NFIX: variants seen among roughly 807,000 people sequenced by gnomAD.
The protein encoded by NFIX is nuclear factor I X.
NFIX carries 2 observed loss-of-function variants against 53.3 expected under a neutral mutation model. The ratio of observed to expected loss-of-function variants is 0.04; its 90% CI spans 0.02 to 0.12. The LOEUF (loss-of-function observed/expected upper bound fraction) is 0.12. Ranked by LOEUF, NFIX falls within the 10% of genes least tolerant of loss-of-function variation. The probability of loss-of-function intolerance (pLI) is 1.00; values close to 1 mark genes in which losing one functional copy is unlikely to be tolerated. For synonymous variants in NFIX, 244 were observed against 289.0 expected (o/e 0.84, Z 1.58); for missense variants, 310 against 674.5 (o/e 0.46, Z 5.99).
chr19:13,083,574 C>T (rs1439471073), intron 8 of NFIX, among the ~76,000 whole-genome samples: 1 of 152,212 alleles, frequency 6.6e-6, no homozygotes, highest in Non-Finnish European at 1.5e-5. Flanking sequence ...ACAGAGGACT[C>T]ATTTTGCCTA....
chr19:13,039,657 C>T (rs907262452), intron 2 of NFIX, among the ~76,000 whole-genome samples: 7 of 152,122 alleles, frequency 4.6e-5, no homozygotes, highest in African/African-American at 9.7e-5. Flanking sequence ...GGCGAGGCCC[C>T]GTTTCTATGC....
chr19:13,045,017 T>C lies in NFIX; in HGVS notation c.559+19465T>C, dbSNP rs1165252410. Among the ~76,000 whole-genome samples, 2 of 152,136 alleles carry C rather than the reference T, an allele frequency of 1.3e-5. No individual in the cohort carries two copies. The highest frequency in any genetic ancestry group is 2.9e-5 in the Non-Finnish European group (2 of 68,000). Reference sequence around the variant, plus strand: ...GGATGACACGGGATGACTGCAGTACTGAGGATGGTGAGAACAGCGGTGGCC... The same window carrying C: ...GGATGACACGGGATGACTGCAGTACCGAGGATGGTGAGAACAGCGGTGGCC... On this transcript the variant is annotated intron_variant, in intron 2 of 10. Transcript: ENST00000592199. This position sits in a 1 kb window ranked among gnomAD's most constrained non-coding sequence, Gnocchi z 4.4.
At position 13,095,000 on chromosome 19, in the gene NFIX, G is replaced by A. The variant is rs573118997; in HGVS notation, c.*351G>A. On this transcript the variant is annotated 3_prime_UTR_variant, in exon 11 of 11. Transcript: ENST00000592199. This position sits in a 1 kb window ranked among gnomAD's most constrained non-coding sequence, Gnocchi z 4.3. ...ACCCCGCCCCGGCCTTCTGGGGAAGGAACAAAGTCCCCAAACAAAGCAACC... is the reference window on the plus strand; with the variant it reads ...ACCCCGCCCCGGCCTTCTGGGGAAGAAACAAAGTCCCCAAACAAAGCAACC... 59 of 276,924 alleles carry A rather than the reference G, an allele frequency of 2.1e-4. No homozygotes were observed. Among genetic ancestry groups the A allele is most frequent in the South Asian group, 8.1e-4 (15 of 18,582 alleles). The allele number at this position is 276,924 out of a possible 1,614,324, so 17.2% of individuals were successfully genotyped here. A position where few individuals can be genotyped will look rare whatever the true frequency, so the allele number is the denominator to read the frequency against.
intron 2 of NFIX, chr19:13,071,420 A>G (rs925233896): frequency 6.6e-6 from 1 of 152,204 alleles, no homozygotes; most frequent in Non-Finnish European, 1.5e-5. Flanking sequence ...CTCAGGGAAC[A>G]TGGGTAGGCT....
intron 1 of NFIX, among the ~76,000 whole-genome samples, chr19:13,017,867 G>A (rs1056450850): frequency 2.0e-5 from 3 of 152,122 alleles, no homozygotes; most frequent in African/African-American, 7.2e-5. Flanking sequence ...CCCTCTTCCC[G>A]GGCCCTTGGC....
At chr19:13,041,423 G>A (rs1387403991) in intron 2 of NFIX, among the ~76,000 whole-genome samples, 2 of 152,164 alleles carry the variant, frequency 1.3e-5, no homozygotes, top group Non-Finnish European at 2.9e-5. Flanking sequence ...AACTTTTGTT[G>A]CATTTTCCCT....
Position 12,996,435 on chromosome 19 carries a change from G to C in NFIX, c.27+571G>C, listed in dbSNP as rs1439562398. The stretch of plus-strand genomic sequence containing the variant: ...GTGCCTGGGGTGGGCCGAGCGGCCC[G>C]GGCGTCTCCCCAAAGTCTTTGTTTA... On this transcript the variant is annotated intron_variant, in intron 1 of 10. Coordinates refer to ENST00000592199, the MANE Select transcript of NFIX (RefSeq NM_001365902.3). The surrounding 1 kb of genome is among the most constrained non-coding windows in gnomAD (Gnocchi z 5.2). Among the ~76,000 whole-genome samples the C allele has an allele frequency of 6.6e-6, 1 of 152,014 alleles. No homozygotes were observed. Among genetic ancestry groups the C allele is most frequent in the Non-Finnish European group, 1.5e-5 (1 of 67,974 alleles).
In NFIX at chr19:13,068,873, C is replaced by T. The variant is rs946135680; in HGVS notation, c.560-4174C>T. Among the ~76,000 whole-genome samples, 3 of 152,212 alleles carry T rather than the reference C, an allele frequency of 2.0e-5. No individual in the cohort carries two copies. The highest frequency in any genetic ancestry group is 6.5e-5 in the Admixed American group (1 of 15,286). ...CGCAGAGCTGCGTGTTTGTGTGACA[C>T]GAGCCAGCCTGACACCCCCAAACAG... On this transcript the variant is annotated intron_variant, in intron 2 of 10. Transcript: ENST00000592199. This position sits in a 1 kb window ranked among gnomAD's most constrained non-coding sequence, Gnocchi z 4.2.
intron 1 of NFIX, among the ~76,000 whole-genome samples, chr19:13,019,543 A>ACT (rs1448451919): frequency 6.8e-6 from 1 of 147,980 alleles, no homozygotes; most frequent in Non-Finnish European, 1.5e-5. Flanking sequence ...CTAGCTTGGC[A>ACT]CTCTCTCTCC....
intron 8 of NFIX, among the ~76,000 whole-genome samples, chr19:13,084,462 A>C (rs536036296): frequency 4.6e-5 from 7 of 151,950 alleles, no homozygotes; most frequent in Non-Finnish European, 1.0e-4. Flanking sequence ...AAACAAAAAC[A>C]AAAAAAACCC....
At position 13,006,602 on chromosome 19, in the gene NFIX, C is replaced by T. The variant is rs995199163; in HGVS notation, c.27+10738C>T. ...CCTGGGCCCCTCAATTTAGCTCCCC[C>T]GGGGCGGGCTGGGTTTATTTTTACC... On this transcript the variant is annotated intron_variant, in intron 1 of 10. Coordinates refer to ENST00000592199, the MANE Select transcript of NFIX (RefSeq NM_001365902.3). This position sits in a 1 kb window ranked among gnomAD's most constrained non-coding sequence, Gnocchi z 5.6. 5.9e-5 allele frequency among the ~76,000 whole-genome samples: 9 copies of T among 152,168 alleles called. No homozygotes were observed. Among genetic ancestry groups the T allele is most frequent in the Admixed American group, 6.5e-5 (1 of 15,292 alleles).
rs1365719764 is a variant in NFIX at position 13,068,683 on chromosome 19, AGAGCCCACTT to A, written c.560-4362_560-4353del. Among the ~76,000 whole-genome samples, 4 of 152,258 alleles carry A rather than the reference AGAGCCCACTT, an allele frequency of 2.6e-5. No homozygotes were observed. Among genetic ancestry groups the A allele is most frequent in the African/African-American group, 9.6e-5 (4 of 41,470 alleles). ...ATCCCGTTTCAAAGGCTTCTTCAGC[AGAGCCCACTT>A]GGGCCCATGCGGAGGGAGTCCAGTC... On this transcript the variant is annotated intron_variant, in intron 2 of 10. Coordinates refer to ENST00000592199, the MANE Select transcript of NFIX (RefSeq NM_001365902.3). The surrounding 1 kb of genome is among the most constrained non-coding windows in gnomAD (Gnocchi z 4.2).
At position 13,002,225 on chromosome 19, in the gene NFIX, C is replaced by T. The variant is rs2011747511; in HGVS notation, c.27+6361C>T. Among the ~76,000 whole-genome samples, 1 of 151,496 alleles carries T rather than the reference C, an allele frequency of 6.6e-6. No individual in the cohort carries two copies. Among genetic ancestry groups the T allele is most frequent in the African/African-American group, 2.4e-5 (1 of 41,224 alleles). On this transcript the variant is annotated intron_variant, in intron 1 of 10. Transcript: ENST00000592199. The surrounding 1 kb of genome is among the most constrained non-coding windows in gnomAD (Gnocchi z 6.1). The stretch of plus-strand genomic sequence containing the variant: ...TCTCTCTCTCTTTCCTCCCTCTCTC[C>T]TCCCCTCCTCCCCTCCTCCCGCTCC...
chr19:13,083,184 A>G (rs2017576076), intron 8 of NFIX, among the ~76,000 whole-genome samples: 1 of 152,176 alleles, frequency 6.6e-6, no homozygotes, highest in Non-Finnish European at 1.5e-5. Context: ...CATGGAGGGA[A>G]GAGCAGACCT....
At position 13,094,746 on chromosome 19, in the gene NFIX, A is replaced by C; in HGVS notation, c.*97A>C. 2 of 1,354,604 alleles carry C rather than the reference A, an allele frequency of 1.5e-6. No individual in the cohort carries two copies. Among genetic ancestry groups the C allele is most frequent in the Non-Finnish European group, 2.0e-6 (2 of 988,202 alleles). The allele number at this position is 1,354,604 out of a possible 1,614,324, so 83.9% of individuals were successfully genotyped here. A position where few individuals can be genotyped will look rare whatever the true frequency, so the allele number is the denominator to read the frequency against. ...ATGGAAAAATCCCCCAGCCCAGCCCAGCCCCACCGAAAAGCAAAAATTACA... is the reference window on the plus strand; with the variant it reads ...ATGGAAAAATCCCCCAGCCCAGCCCCGCCCCACCGAAAAGCAAAAATTACA... On this transcript the variant is annotated 3_prime_UTR_variant, in exon 11 of 11. Coordinates refer to ENST00000592199, the MANE Select transcript of NFIX (RefSeq NM_001365902.3). The surrounding 1 kb of genome is among the most constrained non-coding windows in gnomAD (Gnocchi z 4.3).
Position 13,013,393 on chromosome 19 carries a change from C to T in NFIX, c.28-11628C>T. On this transcript the variant is annotated intron_variant, in intron 1 of 10. Coordinates refer to ENST00000592199, the MANE Select transcript of NFIX (RefSeq NM_001365902.3). The surrounding 1 kb of genome is among the most constrained non-coding windows in gnomAD (Gnocchi z 5.9). Reference sequence around the variant, plus strand: ...GTCCCCAGTCCCCTCGGAAGCCGGTCATAAACCCGACTTCTCATCACCCGA... The same window carrying T: ...GTCCCCAGTCCCCTCGGAAGCCGGTTATAAACCCGACTTCTCATCACCCGA... Among the ~76,000 whole-genome samples the T allele has an allele frequency of 6.6e-6, 1 of 152,304 alleles. No individual in the cohort carries two copies. The highest frequency in any genetic ancestry group is 2.1e-4 in the South Asian group (1 of 4,820).
Position 13,067,796 on chromosome 19 carries a change from A to AAT in NFIX, c.560-5236_560-5235dup, listed in dbSNP as rs3046161. Among the ~76,000 whole-genome samples, 1,974 of 150,584 alleles carry AAT rather than the reference A, an allele frequency of 0.013. 40 individuals are homozygous for AAT. The highest frequency in any genetic ancestry group is 0.042 in the African/African-American group (1,716 of 41,082). Reference sequence around the variant, plus strand: ...ACTACCTCCCCATCTGTAGGTGGAAAATATATATATATATATTAAAAACAT... The same window carrying AAT: ...ACTACCTCCCCATCTGTAGGTGGAAAATATATATATATATATATTAAAAACAT... On this transcript the variant is annotated intron_variant, in intron 2 of 10. Transcript: ENST00000592199. This position sits in a 1 kb window ranked among gnomAD's most constrained non-coding sequence, Gnocchi z 4.2.
chr19:13,020,069 C>T (rs1490324521), intron 1 of NFIX, among the ~76,000 whole-genome samples: 2 of 152,076 alleles, frequency 1.3e-5, no homozygotes, highest in African/African-American at 4.8e-5. Flanking sequence ...GCCAGTGACT[C>T]AGACCTGGAG....
At chr19:13,086,585 CGAG>C (rs1328476352) in intron 8 of NFIX, among the ~76,000 whole-genome samples, 2 of 152,148 alleles carry the variant, frequency 1.3e-5, no homozygotes, top group Admixed American at 6.5e-5. Flanking sequence ...CGCAGGATGT[CGAG>C]GAGCATCCTG....
Sources: allele counts gnomAD v4.1 joint callset (sites outside exome capture counted in the v4.1 genomes callset), GRCh38; gene constraint gnomAD v4.1.1; non-coding constraint Gnocchi (gnomAD v3.1); transcripts MANE v1.5; gene names NCBI Gene and HGNC (gene_info 2026-07-23, HGNC 2026-07-21).